CDK13: variants seen among roughly 807,000 people sequenced by gnomAD.
The protein encoded by CDK13 is cyclin dependent kinase 13, also known as cyclin-dependent kinase 13.
CDK13 carries 40 observed loss-of-function variants against 137.6 expected under a neutral mutation model. The ratio of observed to expected loss-of-function variants is 0.29; its 90% CI spans 0.23 to 0.38. The LOEUF is 0.38. CDK13 is among the 10% of genes least tolerant of loss of function. CDK13 has a pLI of 1.00. For synonymous variants in CDK13, 869 were observed against 760.1 expected, an observed-to-expected ratio of 1.14 and a Z score of -2.36; for missense variants, 1,704 against 1,951.8, an observed-to-expected ratio of 0.87 and a Z score of 2.39.
chr7:40,075,571 G>A lies in CDK13; in HGVS notation c.2781-2434G>A, dbSNP rs566270966. ...GCCAGATGCTAGCTCATTTAATTTC[G>A]TAGCTTCAAAATAAAATTAATCTTA... is the stretch of plus-strand genomic sequence containing the variant. On this transcript the variant is annotated intron_variant, in intron 9 of 13. Transcript: ENST00000181839. 7.2e-5 allele frequency among the ~76,000 whole-genome samples: 11 copies of A among 151,932 alleles called. No homozygotes were observed. In the East Asian group the frequency reaches 1.2e-3, roughly 16 times the overall value.
At chr7:39,992,164 GT>G (rs1279192392) in intron 2 of CDK13, among the ~76,000 whole-genome samples, 1,059 of 4,372 alleles carry the variant, frequency 0.24, 5 homozygotes, top group South Asian at 0.35. Flanking sequence ...ACTAATGAGG[GT>G]GTGTGTGTGT....
chr7:40,010,168 G>T (rs1784866854), intron 5 of CDK13, among the ~76,000 whole-genome samples: 1 of 152,044 alleles, frequency 6.6e-6, no homozygotes, highest in Non-Finnish European at 1.5e-5. Context: ...ATCACTGGGA[G>T]CCCTGAGCTT....
chr7:40,051,687 T>G (rs541407336), intron 7 of CDK13, among the ~76,000 whole-genome samples: 1 of 152,340 alleles, frequency 6.6e-6, no homozygotes, highest in East Asian at 1.9e-4. Flanking sequence ...CAGCTCTCAT[T>G]AGATTTTGGA....
chr7:40,022,650 C>CA (rs1015754541), intron 5 of CDK13, among the ~76,000 whole-genome samples: 1 of 141,164 alleles, frequency 7.1e-6, no homozygotes, highest in African/African-American at 2.6e-5. Flanking sequence ...GAGGAAGTAT[C>CA]TTTTTTTTTT....
intron 5 of CDK13, among the ~76,000 whole-genome samples, chr7:40,004,045 T>G (rs1784748793): frequency 6.6e-6 from 1 of 152,240 alleles, no homozygotes; most frequent in Admixed American, 6.5e-5. Flanking sequence ...TTCACTGTTG[T>G]GCCTCCTACC....
At position 40,094,500 on chromosome 7, in the gene CDK13, T is replaced by C. The variant is rs550415815; in HGVS notation, c.4059T>C (p.Asp1353=). ...SFSSAPYVSN[D]GLGSSSAPPL... is the part of the protein sequence containing the mutation. ...CTTCTGCTCCTTATGTTAGCAATGA[T>C]GGTCTAGGAAGCAGTTCTGCTCCAC... The change falls in exon 14 of 14, where the codon GAT becomes GAC. Residue 1353 remains aspartate (D), a synonymous_variant. Coordinates refer to ENST00000181839, the MANE Select transcript of CDK13 (RefSeq NM_003718.5). 6.2e-7 allele frequency: 1 copy of C among 1,613,446 alleles called. No homozygotes were observed. Among genetic ancestry groups the C allele is most frequent in the South Asian group, 1.1e-5 (1 of 91,038 alleles).
intron 4 of CDK13, 79 bp from the exon 5 acceptor site, chr7:40,001,782 T>G: frequency 3.3e-6 from 3 of 904,704 alleles, no homozygotes; most frequent in Non-Finnish European, 5.3e-6. Flanking sequence ...CAGAATTGAA[T>G]TAAAATACAT....
chr7:40,013,457 C>A (rs80047486), intron 5 of CDK13, among the ~76,000 whole-genome samples: 1,977 of 152,256 alleles, frequency 0.013, 35 homozygotes, highest in African/African-American at 0.046. Context: ...GTAATACATG[C>A]TACTATTTGG....
intron 4 of CDK13, among the ~76,000 whole-genome samples, chr7:40,000,611 T>C (rs555162697): frequency 5.3e-5 from 8 of 152,308 alleles, no homozygotes; most frequent in African/African-American, 1.9e-4. Flanking sequence ...GAGATGACCT[T>C]ACGGTTAGAA....
chr7:39,960,679 G>C (rs1225713213), intron 1 of CDK13, among the ~76,000 whole-genome samples: 1 of 152,084 alleles, frequency 6.6e-6, no homozygotes, highest in Non-Finnish European at 1.5e-5. Flanking sequence ...GGTTCAAGCT[G>C]TTCTTCAGCT....
intron 9 of CDK13, chr7:40,069,352 A>G (rs1332969291): frequency 2.2e-6 from 1 of 455,982 alleles, no homozygotes; most frequent in Non-Finnish European, 4.4e-6. Context: ...TCTGACTATA[A>G]TGAGGCAACG....
chr7:40,036,883 A>G (rs2150508845), intron 5 of CDK13, among the ~76,000 whole-genome samples: 1 of 152,328 alleles, frequency 6.6e-6, no homozygotes, highest in East Asian at 1.9e-4. Flanking sequence ...CTAATGATAT[A>G]CATTCACGTT....
chr7:39,957,030 C>T (rs767102055), intron 1 of CDK13, among the ~76,000 whole-genome samples: 11 of 152,112 alleles, frequency 7.2e-5, no homozygotes, highest in Non-Finnish European at 1.2e-4. Context: ...ACACTCCAAA[C>T]TCTCTTTTGC....
intron 10 of CDK13, chr7:40,078,322 G>A (rs748927731): frequency 2.2e-5 from 9 of 407,170 alleles, no homozygotes; most frequent in Non-Finnish European, 3.5e-5. Flanking sequence ...TTGTGTGTTT[G>A]GTTTGGTGCT....
intron 3 of CDK13, 150 bp from the exon 4 acceptor site, chr7:39,999,211 G>A: frequency 1.9e-6 from 1 of 525,084 alleles, no homozygotes; most frequent in Non-Finnish European, 3.2e-6. Flanking sequence ...CCAAATCAGT[G>A]TTACTTGTTT....
chr7:40,000,307 A>C (rs1784656228), intron 4 of CDK13, among the ~76,000 whole-genome samples: 1 of 152,162 alleles, frequency 6.6e-6, no homozygotes, highest in South Asian at 2.1e-4. Context: ...TGGAGGTTGT[A>C]GTGAGCTGAG....
intron 5 of CDK13, among the ~76,000 whole-genome samples, chr7:40,008,783 G>GT (rs1445897885): frequency 6.6e-6 from 1 of 152,114 alleles, no homozygotes; most frequent in Non-Finnish European, 1.5e-5. Flanking sequence ...TTAAGGCAGG[G>GT]TTGAAAGTCA....
chr7:40,051,030 C>T (rs1408416932), intron 7 of CDK13, among the ~76,000 whole-genome samples: 1 of 151,954 alleles, frequency 6.6e-6, no homozygotes, highest in Admixed American at 6.6e-5. Context: ...CATTGGAGTG[C>T]CGGGGTGTGG....
intron 9 of CDK13, among the ~76,000 whole-genome samples, chr7:40,064,410 G>A (rs1800604644): frequency 6.6e-6 from 1 of 152,000 alleles, no homozygotes; most frequent in South Asian, 2.1e-4. Context: ...GATATTGATA[G>A]GGGGTACAGA....
Sources: allele counts gnomAD v4.1 joint callset (sites outside exome capture counted in the v4.1 genomes callset), GRCh38; gene constraint gnomAD v4.1.1; transcripts MANE v1.5; gene names NCBI Gene and HGNC (gene_info 2026-07-23, HGNC 2026-07-21).